Variants in CTTNBP2 observed in about 807,000 individuals in gnomAD.
CTTNBP2 encodes the protein cortactin-binding protein 2.
A neutral mutation model predicts 156.9 loss-of-function variants in CTTNBP2; 108 were observed. The ratio of observed to expected loss-of-function variants is 0.69; its 90% confidence interval spans 0.59 to 0.81. The LOEUF (loss-of-function observed/expected upper bound fraction) is 0.81, where lower values mean the gene tolerates loss of function less well. CTTNBP2 is among the 30% of genes least tolerant of loss of function. CTTNBP2 has a pLI of 0.00. For synonymous variants in CTTNBP2, 767 were observed against 751.8 expected (o/e 1.02, Z -0.33); for missense variants, 1,924 against 2,035.4 (o/e 0.95, Z 1.05).
chr7:117,725,746 G>A (rs1795057758), intron 17 of CTTNBP2, among the ~76,000 whole-genome samples: 1 of 152,062 alleles, frequency 6.6e-6, no homozygotes, highest in South Asian at 2.1e-4. Flanking sequence ...GGAGTGCCAA[G>A]GCGCAATCTC....
At chr7:117,835,255 T>A (rs187482283) in intron 2 of CTTNBP2, among the ~76,000 whole-genome samples, 2 of 152,332 alleles carry the variant, frequency 1.3e-5, no homozygotes, top group East Asian at 1.9e-4. Context: ...CTTGTCCACA[T>A]GAAAGATATG....
rs1482009608 is a variant in CTTNBP2 at position 117,784,307 on chromosome 7, T to C, written c.2216A>G (p.Tyr739Cys). The change falls in exon 5 of 23, where the codon TAC (tyrosine) becomes TGC (cysteine). Residue 739 changes from tyrosine to cysteine, a missense_variant. By Grantham distance (194) the Tyr-to-Cys change is radical. Transcript: ENST00000160373. The stretch of plus-strand genomic sequence containing the variant: ...GGCAGAATGGCCATCTTCACAGGAG[T>C]AATTAATGTCCAGTCCTTCTTCATT... ...LLNEEGLDIN[Y>C]SCEDGHSALY... 6.2e-7 allele frequency: 1 copy of C among 1,613,806 alleles called. No individual in the cohort carries two copies. The highest frequency in any genetic ancestry group is 1.7e-5 in the Admixed American group (1 of 59,904).
intron 12 of CTTNBP2, among the ~76,000 whole-genome samples, chr7:117,749,620 T>G (rs1459215796): frequency 6.6e-6 from 1 of 151,966 alleles, no homozygotes; most frequent in African/African-American, 2.4e-5. Flanking sequence ...CTCCTGGGAG[T>G]GGAGAAGAAT....
At chr7:117,738,983 T>C (rs1472046782) in intron 14 of CTTNBP2, among the ~76,000 whole-genome samples, 4 of 152,172 alleles carry the variant, frequency 2.6e-5, no homozygotes, top group Admixed American at 1.3e-4. Flanking sequence ...TTGGGTTATC[T>C]TTCCACTTCA....
At chr7:117,727,630 T>G (rs1156859115) in intron 17 of CTTNBP2, among the ~76,000 whole-genome samples, 1 of 152,240 alleles carries the variant, frequency 6.6e-6, no homozygotes, top group East Asian at 1.9e-4. Flanking sequence ...TCATTTCAAC[T>G]TTCTCCTGAT....
chr7:117,785,656 A>AG (rs1484672118), intron 4 of CTTNBP2, among the ~76,000 whole-genome samples: 2 of 152,206 alleles, frequency 1.3e-5, no homozygotes, highest in Non-Finnish European at 2.9e-5. Flanking sequence ...TAAAACAAAG[A>AG]TTACTTTTTA....
At chr7:117,833,003 C>A (rs1444513695) in intron 2 of CTTNBP2, among the ~76,000 whole-genome samples, 2 of 152,026 alleles carry the variant, frequency 1.3e-5, no homozygotes, top group African/African-American at 4.8e-5. Context: ...GATCCACCCA[C>A]CTCGGCCTCC....
At position 117,810,756 on chromosome 7, in the gene CTTNBP2, C is replaced by G. The variant is rs34868515; in HGVS notation, c.414+9G>C. 1 of 1,610,918 alleles carries G rather than the reference C, an allele frequency of 6.2e-7. No homozygotes were observed. The highest frequency in any genetic ancestry group is 8.5e-7 in the Non-Finnish European group (1 of 1,178,710). ...TGTGGGGAAAATGACCATTTGAACG[C>G]CTCAATACCTTCTTTTGTCTGCTCT... On this transcript the variant is annotated intron_variant, in intron 3 of 22. Transcript: ENST00000160373.
intron 3 of CTTNBP2, among the ~76,000 whole-genome samples, chr7:117,796,946 CAT>C (rs1309002844): frequency 3.3e-5 from 5 of 152,098 alleles, no homozygotes; most frequent in African/African-American, 7.2e-5. Flanking sequence ...ACATATAAAA[CAT>C]AGTGATTTAA....
At chr7:117,828,510 C>A (rs1388454169) in intron 2 of CTTNBP2, among the ~76,000 whole-genome samples, 1 of 152,124 alleles carries the variant, frequency 6.6e-6, no homozygotes, top group Non-Finnish European at 1.5e-5. Context: ...GGGTAAGAAT[C>A]TATTTCAGAT....
At chr7:117,753,482 T>C (rs900458778) in intron 12 of CTTNBP2, among the ~76,000 whole-genome samples, 2 of 152,204 alleles carry the variant, frequency 1.3e-5, no homozygotes, top group African/African-American at 4.8e-5. Flanking sequence ...CTACGGATGA[T>C]AGCAATGACA....
intron 3 of CTTNBP2, among the ~76,000 whole-genome samples, chr7:117,802,976 G>A (rs1421890269): frequency 2.0e-5 from 3 of 152,170 alleles, no homozygotes; most frequent in Non-Finnish European, 4.4e-5. Flanking sequence ...GCAGTTTGGA[G>A]ATTTCTCAAA....
At chr7:117,765,607 C>A (rs2116687498) in intron 9 of CTTNBP2, among the ~76,000 whole-genome samples, 1 of 152,236 alleles carries the variant, frequency 6.6e-6, no homozygotes, top group Non-Finnish European at 1.5e-5. Context: ...CTCAGGTCTC[C>A]CATATCAGTC....
At chr7:117,733,821 C>CT (rs1268685655) in intron 16 of CTTNBP2, among the ~76,000 whole-genome samples, 1 of 152,208 alleles carries the variant, frequency 6.6e-6, no homozygotes, top group African/African-American at 2.4e-5. Flanking sequence ...TACACATACT[C>CT]TAACACAATA....
chr7:117,864,678 T>A (rs59347269), intron 1 of CTTNBP2, among the ~76,000 whole-genome samples: 1 of 83,710 alleles, frequency 1.2e-5, no homozygotes. Flanking sequence ...ATTCATATAT[T>A]TATATATATT....
At chr7:117,715,610 T>TAAATATGTATATTTGTTTTTAA (rs1300888776) in intron 22 of CTTNBP2, 74 of 152,252 alleles carry the variant, frequency 4.9e-4, no homozygotes, top group Non-Finnish European at 5.7e-4. Flanking sequence ...CCTGTTGATT[T>TAAATATGTATATTTGTTTTTAA]AAATATGTAT....
intron 3 of CTTNBP2, among the ~76,000 whole-genome samples, chr7:117,797,999 C>T (rs745401769): frequency 2.0e-5 from 3 of 152,014 alleles, no homozygotes; most frequent in Non-Finnish European, 2.9e-5. Context: ...TACCTAGGCA[C>T]ATCATAGTAA....
chr7:117,742,027 C>A (rs745579648), intron 14 of CTTNBP2, among the ~76,000 whole-genome samples: 1 of 152,190 alleles, frequency 6.6e-6, no homozygotes, highest in Non-Finnish European at 1.5e-5. Context: ...CCAAATAATA[C>A]CCTCGTTGCC....
rs34021890 is a variant in CTTNBP2 at position 117,755,548 on chromosome 7, T to C, written c.3348+1007A>G. 587 of 470,432 alleles carry C rather than the reference T, an allele frequency of 1.2e-3. 4 individuals are homozygous for C. The highest frequency in any genetic ancestry group is 0.011 in the African/African-American group (550 of 50,204). 29.1% of individuals were successfully genotyped at this position (470,432 alleles called of 1,614,324 possible). A position where few individuals can be genotyped will look rare whatever the true frequency, so the allele number is the denominator to read the frequency against. On this transcript the variant is annotated intron_variant, in intron 12 of 22. Coordinates refer to ENST00000160373, the MANE Select transcript of CTTNBP2 (RefSeq NM_033427.3). ...TGCTAGATGCATGACTTTGAGCATT[T>C]TACCTCTCTCTGTTCAGTTTCCCCA... is the stretch of plus-strand genomic sequence containing the variant.
Sources: allele counts gnomAD v4.1 joint callset (sites outside exome capture counted in the v4.1 genomes callset), GRCh38; gene constraint gnomAD v4.1.1; transcripts MANE v1.5; gene names NCBI Gene and HGNC (gene_info 2026-07-23, HGNC 2026-07-21).